SGCE: variants seen among roughly 807,000 people sequenced by gnomAD.
SGCE encodes epsilon-sarcoglycan.
A neutral mutation model predicts 57.8 loss-of-function variants in SGCE; 26 were observed. That is an observed-to-expected ratio of 0.45 (90% CI 0.33 to 0.62). The LOEUF is 0.62. SGCE is among the 20% of genes least tolerant of loss of function. SGCE has a pLI of 0.02. For missense variants in SGCE, 468 were observed against 548.6 expected (o/e 0.85, Z 1.47); for synonymous variants, 183 against 189.5 (o/e 0.97, Z 0.28).
At chr7:94,649,274 C>G (rs1232199657) in intron 1 of SGCE, among the ~76,000 whole-genome samples, 2 of 152,076 alleles carry the variant, frequency 1.3e-5, no homozygotes, top group Non-Finnish European at 2.9e-5. Flanking sequence ...AAAATTCTAC[C>G]AAAGAGTGAC....
intron 6 of SGCE, among the ~76,000 whole-genome samples, chr7:94,601,572 C>G (rs898038034): frequency 1.3e-5 from 2 of 149,926 alleles, no homozygotes; most frequent in African/African-American, 2.5e-5. Context: ...TTGAAGGACA[C>G]TAAAAATATA....
intron 10 of SGCE, chr7:94,586,900 A>AT (rs1289648499): frequency 1.0e-6 from 1 of 984,722 alleles, no homozygotes; most frequent in African/African-American, 1.7e-5. Context: ...GGCACTTAAG[A>AT]TATTTTGGGG....
intron 4 of SGCE, among the ~76,000 whole-genome samples, chr7:94,623,069 T>C (rs1206286216): frequency 1.3e-5 from 2 of 152,200 alleles, no homozygotes; most frequent in Non-Finnish European, 2.9e-5. Context: ...AGTCCCATTT[T>C]AAGGTAATGA....
At chr7:94,628,099 G>C (rs1298862291) in intron 3 of SGCE, 103 bp downstream of exon 3, 12 of 830,384 alleles carry the variant, frequency 1.4e-5, no homozygotes, top group Non-Finnish European at 2.2e-5. Context: ...ACCACCATCA[G>C]GTAACTTTAG....
At chr7:94,599,777 T>G in intron 7 of SGCE, 54 bp from the exon 8 acceptor site, 4 of 1,226,048 alleles carry the variant, frequency 3.3e-6, no homozygotes, top group Non-Finnish European at 4.8e-6. Context: ...ATTTGGAACA[T>G]TAAGACTATA....
In SGCE at chr7:94,585,398, T is replaced by C. The variant is rs193172306; in HGVS notation, c.*101A>G. ...CTTAATACTGCCAACATGCATAACA[T>C]ATGCCAGAAAAGCTCATGCATTATT... is the stretch of plus-strand genomic sequence containing the variant. On this transcript the variant is annotated 3_prime_UTR_variant, in exon 11 of 11. Transcript: ENST00000648936. 7,566 of 1,027,846 alleles carry C rather than the reference T, an allele frequency of 7.4e-3. 39 individuals are homozygous for C. Among genetic ancestry groups the C allele is most frequent in the Non-Finnish European group, 0.01 (6,678 of 646,620 alleles). The allele number at this position is 1,027,846 out of a possible 1,614,324, so 63.7% of individuals were successfully genotyped here. A position where few individuals can be genotyped will look rare whatever the true frequency, so the allele number is the denominator to read the frequency against.
intron 9 of SGCE, chr7:94,598,007 TA>T (rs750493304): frequency 0.017 from 2,650 of 152,716 alleles, 9 homozygotes; most frequent in South Asian, 0.035. Flanking sequence ...AACTCCATCT[TA>T]AAAAAAAAAA....
Position 94,629,934 on chromosome 7 carries a change from C to T in SGCE, c.110-93G>A, listed in dbSNP as rs987857977. On this transcript the variant is annotated intron_variant, in intron 1 of 10. Transcript: ENST00000648936. ...TTACGCTGTTTATAAAGAGGGGTCT[C>T]ACTATGTAGACATTTCTGGAAAAAC... 10 of 1,436,826 alleles carry T rather than the reference C, an allele frequency of 7.0e-6. No homozygotes were observed. The Admixed American group carries it at 1.5e-4, about 21-fold the overall frequency. The allele number at this position is 1,436,826 out of a possible 1,614,324, so 89.0% of individuals were successfully genotyped here.
chr7:94,650,320 C>T (rs1237679796), intron 1 of SGCE, among the ~76,000 whole-genome samples: 2 of 152,206 alleles, frequency 1.3e-5, no homozygotes, highest in African/African-American at 4.8e-5. Flanking sequence ...AGCCTGCCCC[C>T]TCTAGCCCTA....
At chr7:94,651,260 T>C (rs1807832644) in intron 1 of SGCE, among the ~76,000 whole-genome samples, 1 of 152,258 alleles carries the variant, frequency 6.6e-6, no homozygotes, top group Non-Finnish European at 1.5e-5. Flanking sequence ...TTAAAAACCA[T>C]GTTAACTCTA....
At chr7:94,603,644 A>G (rs978310139) in intron 5 of SGCE, among the ~76,000 whole-genome samples, 192 bp from the exon 6 acceptor site, 1 of 151,950 alleles carries the variant, frequency 6.6e-6, no homozygotes, top group Non-Finnish European at 1.5e-5. Flanking sequence ...TATTCAACCA[A>G]TATTTACTGA....
rs1383098088 is a variant in SGCE at position 94,585,451 on chromosome 7, G to C, written c.*48C>G. 6.4e-7 allele frequency: 1 copy of C among 1,552,660 alleles called. No homozygotes were observed. The highest frequency in any genetic ancestry group is 8.9e-7 in the Non-Finnish European group (1 of 1,124,442). On this transcript the variant is annotated 3_prime_UTR_variant, in exon 11 of 11. Transcript: ENST00000648936. ...AAGAGAAAAGAAATGTGATGTAACT[G>C]CTATATTGTCTGATTATAAATTCAT...
intron 1 of SGCE, chr7:94,644,688 T>C: frequency 8.0e-7 from 1 of 1,255,410 alleles, no homozygotes. Flanking sequence ...GATGAAAGAC[T>C]TTGTTTTCAG....
chr7:94,600,789 A>C lies in SGCE; in HGVS notation c.894T>G (p.Gly298=), dbSNP rs1308226115. The C allele has an allele frequency of 6.2e-7, 1 of 1,613,436 alleles. No homozygotes were observed. Among genetic ancestry groups the C allele is most frequent in the Non-Finnish European group, 8.5e-7 (1 of 1,179,772 alleles). The change falls in exon 7 of 11, where the codon GGT becomes GGG. Residue 298 remains glycine (G), a synonymous_variant. Coordinates refer to ENST00000648936, the MANE Select transcript of SGCE (RefSeq NM_003919.3). ...VIRGEGILPD[G]GEYKPPSDSL... is the part of the protein sequence containing the mutation. Reference sequence around the variant, plus strand: ...AATCAGAAGGGGGTTTGTATTCTCCACCATCAGGTAAAATCCCCTCTCCAC... The same window carrying C: ...AATCAGAAGGGGGTTTGTATTCTCCCCCATCAGGTAAAATCCCCTCTCCAC...
chr7:94,595,611 T>A (rs559649660), intron 9 of SGCE, among the ~76,000 whole-genome samples: 4 of 152,084 alleles, frequency 2.6e-5, no homozygotes, highest in Non-Finnish European at 5.9e-5. Context: ...CACATTTTAA[T>A]CTTGAGAATT....
chr7:94,614,695 G>C (rs535383371), intron 5 of SGCE, among the ~76,000 whole-genome samples: 4 of 152,188 alleles, frequency 2.6e-5, no homozygotes, highest in Admixed American at 2.6e-4. Flanking sequence ...AGTGAGAGAG[G>C]AGCCCTCTCT....
intron 3 of SGCE, chr7:94,624,838 T>C (rs536734303): frequency 6.6e-6 from 1 of 152,158 alleles, no homozygotes; most frequent in South Asian, 2.1e-4. Flanking sequence ...ATCACAAATT[T>C]CATTATTATA....
rs772200022 is a variant in SGCE at position 94,629,883 on chromosome 7, A to G, written c.110-42T>C. The stretch of plus-strand genomic sequence containing the variant: ...AAGATAAGTGACAGAAAGACAAATA[A>G]TGAGATACGCCCTTGATAATTCAGC... On this transcript the variant is annotated intron_variant, in intron 1 of 10. Transcript: ENST00000648936. 3 of 1,604,980 alleles carry G rather than the reference A, an allele frequency of 1.9e-6. No homozygotes were observed. The African/African-American group carries it at 4.0e-5, about 22-fold the overall frequency.
chr7:94,586,517 T>C (rs187795375), intron 10 of SGCE: 1 of 152,468 alleles, frequency 6.6e-6, no homozygotes, highest in African/African-American at 2.4e-5. Context: ...TTTCTTTTTT[T>C]GATTCAGAGT....
Sources: gnomAD v4.1 joint callset for allele counts (sites outside exome capture counted in the v4.1 genomes callset) on GRCh38, gnomAD v4.1.1 for gene constraint, MANE v1.5 for transcripts, NCBI Gene and HGNC (gene_info 2026-07-23, HGNC 2026-07-21) for gene names.